SNTG1: variants seen among roughly 807,000 people sequenced by gnomAD.
SNTG1 encodes the protein gamma-1-syntrophin.
SNTG1 carries 39 observed loss-of-function variants against 74.7 expected under a neutral mutation model. That is an observed-to-expected ratio of 0.52 (90% confidence interval 0.40 to 0.68). The LOEUF is 0.68. Ranked by LOEUF, SNTG1 falls within the 30% of genes least tolerant of loss-of-function variation. The probability of loss-of-function intolerance (pLI) is 0.00; values close to 1 mark genes in which losing one functional copy is unlikely to be tolerated. For synonymous variants in SNTG1, 254 were observed against 217.1 expected (o/e 1.17, Z -1.49); for missense variants, 685 against 609.5 (o/e 1.12, Z -1.30).
chr8:50,189,070 C>G (rs1296639644), intron 2 of SNTG1, among the ~76,000 whole-genome samples: 10 of 152,092 alleles, frequency 6.6e-5, no homozygotes. Flanking sequence ...CCTCCATAAT[C>G]CATGGAGGTC....
intron 2 of SNTG1, among the ~76,000 whole-genome samples, chr8:50,182,732 C>G (rs1419890085): frequency 6.6e-6 from 1 of 152,060 alleles, no homozygotes; most frequent in African/African-American, 2.4e-5. Context: ...TCAGCCACTA[C>G]TGCAGTGGTC....
chr8:50,080,031 G>A (rs1362867841), intron 1 of SNTG1, among the ~76,000 whole-genome samples: 2 of 152,090 alleles, frequency 1.3e-5, no homozygotes, highest in African/African-American at 4.8e-5. Context: ...GGCCACATGG[G>A]CTTGTTTTTC....
intron 18 of SNTG1, among the ~76,000 whole-genome samples, chr8:50,764,329 G>A (rs368334197): frequency 2.0e-5 from 3 of 151,984 alleles, no homozygotes; most frequent in East Asian, 3.9e-4. Context: ...AGAGTGATGA[G>A]GCGACCTATA....
At chr8:50,239,023 A>T (rs1192291309) in intron 2 of SNTG1, among the ~76,000 whole-genome samples, 3 of 152,222 alleles carry the variant, frequency 2.0e-5, no homozygotes, top group Admixed American at 6.5e-5. Context: ...AGAAAGGGGA[A>T]CGCTATACAC....
rs553215335 is a variant in SNTG1, at chr8:50,758,170, T to G, written c.1395+6059T>G. Reference sequence around the variant, plus strand: ...CTTGCATGTGGTCTATTTTATCTATTAAAGCTTGTGGTATATTAATCATAG... The same window carrying G: ...CTTGCATGTGGTCTATTTTATCTATGAAAGCTTGTGGTATATTAATCATAG... On this transcript the variant is annotated intron_variant, in intron 18 of 18. Transcript: ENST00000642720. 9.3e-4 allele frequency among the ~76,000 whole-genome samples: 142 copies of G among 152,048 alleles called. 1 individual carries two copies. The highest frequency in any genetic ancestry group is 1.6e-3 in the Admixed American group (24 of 15,248).
intron 1 of SNTG1, among the ~76,000 whole-genome samples, chr8:50,061,909 A>AT (rs1019488275): frequency 1.6e-4 from 25 of 151,800 alleles, no homozygotes; most frequent in African/African-American, 5.8e-4. Context: ...CTTCTTGTCT[A>AT]TTTTTTTAAA....
chr8:50,491,663 C>T (rs1188723135), intron 8 of SNTG1, among the ~76,000 whole-genome samples: 1 of 152,178 alleles, frequency 6.6e-6, no homozygotes, highest in East Asian at 1.9e-4. Flanking sequence ...TGGAGCCGCC[C>T]ATGCTGCAAA....
At chr8:50,575,049 C>T (rs2130784743) in intron 12 of SNTG1, among the ~76,000 whole-genome samples, 1 of 152,170 alleles carries the variant, frequency 6.6e-6, no homozygotes, top group East Asian at 1.9e-4. Context: ...CATAGATGTC[C>T]TTTTCTGTTT....
intron 15 of SNTG1, among the ~76,000 whole-genome samples, chr8:50,661,024 C>T (rs377250699): frequency 6.6e-6 from 1 of 151,950 alleles, no homozygotes; most frequent in Non-Finnish European, 1.5e-5. Flanking sequence ...TTAGTTTTTT[C>T]CCCCACTTGT....
intron 8 of SNTG1, among the ~76,000 whole-genome samples, chr8:50,476,857 G>GACACACACACAGACACACACACAC (rs2093700744): frequency 6.9e-6 from 1 of 145,862 alleles, no homozygotes; most frequent in African/African-American, 2.5e-5. Flanking sequence ...GACACACACA[G>GACACACACACAGACACACACACAC]ACACACACAC....
intron 11 of SNTG1, among the ~76,000 whole-genome samples, chr8:50,544,102 C>T (rs1563551324): frequency 6.6e-6 from 1 of 152,010 alleles, no homozygotes. Flanking sequence ...TGTTTTATTT[C>T]CTTACCTCTT....
At chr8:50,568,795 C>A (rs1188247125) in intron 12 of SNTG1, 1 of 152,072 alleles carries the variant, frequency 6.6e-6, no homozygotes, top group Non-Finnish European at 1.5e-5. Context: ...GTTTTCTTTG[C>A]TGTGAGGAAG....
chr8:50,676,196 A>C (rs1407126252), intron 15 of SNTG1, among the ~76,000 whole-genome samples: 1 of 151,950 alleles, frequency 6.6e-6, no homozygotes, highest in Non-Finnish European at 1.5e-5. Context: ...AGATTGGGGA[A>C]GTTCTCCTGG....
intron 3 of SNTG1, among the ~76,000 whole-genome samples, chr8:50,400,180 G>A (rs2092784275): frequency 6.6e-6 from 1 of 152,178 alleles, no homozygotes; most frequent in Admixed American, 6.5e-5. Context: ...TATTCCAAGA[G>A]AAAGTCTGGT....
chr8:50,075,976 T>G (rs759775970), intron 1 of SNTG1, among the ~76,000 whole-genome samples: 2 of 152,168 alleles, frequency 1.3e-5, no homozygotes, highest in Non-Finnish European at 2.9e-5. Context: ...GCTTCATTCT[T>G]GAAGTCAGTG....
intron 13 of SNTG1, among the ~76,000 whole-genome samples, chr8:50,651,561 G>A (rs1300614145): frequency 6.6e-6 from 1 of 151,626 alleles, no homozygotes. Flanking sequence ...AGGTTCAAGC[G>A]ATTCTCCTGC....
chr8:50,094,866 A>T (rs1310519414), intron 1 of SNTG1, among the ~76,000 whole-genome samples: 2 of 152,174 alleles, frequency 1.3e-5, no homozygotes, highest in Non-Finnish European at 2.9e-5. Flanking sequence ...TCCTATGTTC[A>T]TTGCAGCACT....
In SNTG1 at chr8:49,993,252, G is replaced by C. The variant is rs114037019; in HGVS notation, c.-103+81021G>C. 5.7e-3 allele frequency among the ~76,000 whole-genome samples: 871 copies of C among 151,972 alleles called. 10 individuals are homozygous for C. The highest frequency in any genetic ancestry group is 0.018 in the African/African-American group (764 of 41,442). The stretch of plus-strand genomic sequence containing the variant: ...GAGGTCAGGGCCAAAGCGGGAGGGG[G>C]GCACTTTACAAGGTTCTCTAAGTAT... On this transcript the variant is annotated intron_variant, in intron 1 of 18. Transcript: ENST00000642720.
intron 1 of SNTG1, among the ~76,000 whole-genome samples, chr8:50,082,450 G>T (rs530478495): frequency 5.3e-5 from 8 of 152,148 alleles, no homozygotes; most frequent in African/African-American, 1.9e-4. Flanking sequence ...GACAAAGTTT[G>T]TGAAGTCTTT....
Sources: gnomAD v4.1 joint callset for allele counts (sites outside exome capture counted in the v4.1 genomes callset) on GRCh38, gnomAD v4.1.1 for gene constraint, MANE v1.5 for transcripts, NCBI Gene and HGNC (gene_info 2026-07-23, HGNC 2026-07-21) for gene names.